The following LRRC51 variants were observed in gnomAD, a reference collection of about 807,000 sequenced individuals.
The protein encoded by LRRC51 is leucine rich repeat containing 51.
A neutral mutation model predicts 17.8 loss-of-function variants in LRRC51; 8 were observed. That is an observed-to-expected ratio of 0.45 (90% CI 0.26 to 0.81). The LOEUF (loss-of-function observed/expected upper bound fraction) is 0.81, where lower values mean the gene tolerates loss of function less well. Ranked by LOEUF, LRRC51 falls within the 30% of genes least tolerant of loss-of-function variation. The probability of loss-of-function intolerance (pLI) is 0.17; values close to 1 mark genes in which losing one functional copy is unlikely to be tolerated. For synonymous variants in LRRC51, 92 were observed against 96.0 expected (o/e 0.96, Z 0.24); for missense variants, 233 against 239.3 (o/e 0.97, Z 0.17).
At chr11:72,092,454 A>T (rs1282929223) in intron 3 of LRRC51, among the ~76,000 whole-genome samples, 5 of 152,230 alleles carry the variant, frequency 3.3e-5, no homozygotes, top group Admixed American at 6.5e-5. Context: ...TGACTCAAAC[A>T]GCCAAATTGG....
chr11:72,088,729 C>T (rs1944683474), intron 2 of LRRC51: 1 of 513,368 alleles, frequency 1.9e-6, no homozygotes, highest in Non-Finnish European at 3.5e-6. Flanking sequence ...AACTGACTCA[C>T]TGGCTTAACT....
At chr11:72,090,140 G>A (rs570102612) in intron 3 of LRRC51, among the ~76,000 whole-genome samples, 5 of 152,326 alleles carry the variant, frequency 3.3e-5, no homozygotes, top group Admixed American at 2.6e-4. Context: ...GGTAACTCAC[G>A]TTTGTTCTCT....
chr11:72,091,358 G>A (rs187190370), intron 3 of LRRC51, among the ~76,000 whole-genome samples: 58 of 152,236 alleles, frequency 3.8e-4, no homozygotes, highest in Non-Finnish European at 6.0e-4. Flanking sequence ...GGGGTACGCC[G>A]TTCCAGTACC....
At chr11:72,094,141 C>A (rs1945023114) in intron 4 of LRRC51, among the ~76,000 whole-genome samples, 1 of 152,066 alleles carries the variant, frequency 6.6e-6, no homozygotes, top group Non-Finnish European at 1.5e-5. Flanking sequence ...AAAAAATTAG[C>A]TGGGCGTGGT....
chr11:72,089,124 C>A lies in LRRC51; in HGVS notation c.41C>A (p.Pro14His). Residue 14 changes from proline (P) to histidine (H), a missense_variant, in exon 3 of 6, where the codon CCC (proline) becomes CAC (histidine). Pro to His is a moderately conservative substitution (Grantham distance 77). Coordinates refer to ENST00000289488, the MANE Select transcript of LRRC51 (RefSeq NM_145309.6). ...TATATGAACACTTCGGTACAGGAGC[C>A]CCCTCTTGACTACTCCTTCAGAAGC... is the stretch of plus-strand genomic sequence containing the variant. Reference protein sequence around the residue: ...RDYMNTSVQEPPLDYSFRSIH... With the variant: ...RDYMNTSVQEHPLDYSFRSIH... 1 of 1,614,100 alleles carries A rather than the reference C, an allele frequency of 6.2e-7. No homozygotes were observed. The highest frequency in any genetic ancestry group is 8.5e-7 in the Non-Finnish European group (1 of 1,180,008).
chr11:72,089,089 C>A lies in LRRC51; in HGVS notation c.6C>A (p.Asn2Lys). 6.2e-7 allele frequency: 1 copy of A among 1,613,988 alleles called. No individual in the cohort carries two copies. Among genetic ancestry groups the A allele is most frequent in the Non-Finnish European group, 8.5e-7 (1 of 1,179,994 alleles). The part of the protein sequence containing the change: M[N>K]KRDYMNTSVQ... The stretch of plus-strand genomic sequence containing the variant: ...TTTGAATGATGGCCTGAACTATGAA[C>A]AAACGGGACTATATGAACACTTCGG... Residue 2 changes from asparagine (N) to lysine (K), a missense_variant, in exon 3 of 6, where the codon AAC (asparagine) becomes AAA (lysine). Asn to Lys is a moderately conservative substitution (Grantham distance 94, BLOSUM62 0). Coordinates refer to ENST00000289488, the MANE Select transcript of LRRC51 (RefSeq NM_145309.6).
chr11:72,093,714 C>G lies in LRRC51; in HGVS notation c.288+13C>G. On this transcript the variant is annotated intron_variant, in intron 4 of 5. Coordinates refer to ENST00000289488, the MANE Select transcript of LRRC51 (RefSeq NM_145309.6). Reference sequence around the variant, plus strand: ...TTCCATTGACCCTGTGAGTTCCTAACAGTAGGAATCCAGTCAGGGGAGCCT... The same window carrying G: ...TTCCATTGACCCTGTGAGTTCCTAAGAGTAGGAATCCAGTCAGGGGAGCCT... The G allele has an allele frequency of 6.2e-7, 1 of 1,613,682 alleles. No individual in the cohort carries two copies. The highest frequency in any genetic ancestry group is 8.5e-7 in the Non-Finnish European group (1 of 1,179,578).
chr11:72,093,200 T>C (rs1018933768), intron 3 of LRRC51, among the ~76,000 whole-genome samples: 56 of 152,352 alleles, frequency 3.7e-4, no homozygotes, highest in African/African-American at 1.3e-3. Context: ...GGTTCTTAGT[T>C]TTCCTCAACC....
At position 72,095,214 on chromosome 11, in the gene LRRC51, C is replaced by T. The variant is rs1051418803; in HGVS notation, c.437+118C>T. On this transcript the variant is annotated intron_variant, in intron 5 of 5. Transcript: ENST00000289488. ...ATGCTTGGACCTGGGAAGGGAGTAA[C>T]AGACCTCTAAGCATTCCTTGCTCTC... is the stretch of plus-strand genomic sequence containing the variant. 10 of 1,559,644 alleles carry T rather than the reference C, an allele frequency of 6.4e-6. No individual in the cohort carries two copies. The African/African-American group carries it at 1.1e-4, about 17-fold the overall frequency.
At chr11:72,084,233 G>C (rs186471427) in intron 1 of LRRC51, among the ~76,000 whole-genome samples, 2 of 151,954 alleles carry the variant, frequency 1.3e-5, no homozygotes, top group Non-Finnish European at 2.9e-5. Flanking sequence ...AGAAACTCTC[G>C]GGCCAGGCTG....
At chr11:72,085,617 T>A (rs1944486463) in intron 1 of LRRC51, 1 of 152,214 alleles carries the variant, frequency 6.6e-6, no homozygotes, top group Admixed American at 6.5e-5. Flanking sequence ...CAAGCTGTAA[T>A]AAAATTTTGT....
chr11:72,094,044 G>A (rs774163823), intron 4 of LRRC51, among the ~76,000 whole-genome samples: 2 of 152,164 alleles, frequency 1.3e-5, no homozygotes, highest in Non-Finnish European at 2.9e-5. Flanking sequence ...CAGCACTTTG[G>A]GAGGCCGAGG....
chr11:72,095,245 G>T (rs1945117480), intron 5 of LRRC51, 134 bp from the exon 6 acceptor site: 1 of 1,576,988 alleles, frequency 6.3e-7, no homozygotes, highest in African/African-American at 1.4e-5. Flanking sequence ...CTCTCAGTCA[G>T]GATAAACCTA....
intron 1 of LRRC51, among the ~76,000 whole-genome samples, chr11:72,084,392 C>A (rs919923628): frequency 1.3e-5 from 2 of 152,078 alleles, no homozygotes; most frequent in African/African-American, 4.8e-5. Context: ...AGTTTTCTGT[C>A]AACTTGGGAT....
chr11:72,084,836 CAAAAAAAAAA>C (rs386374128), intron 1 of LRRC51, among the ~76,000 whole-genome samples: 2 of 101,716 alleles, frequency 2.0e-5, no homozygotes, highest in African/African-American at 8.3e-5. Context: ...GACCTTGTCT[CAAAAAAAAAA>C]AAAAAAAAGA....
At chr11:72,094,732 C>G (rs760971510) in intron 4 of LRRC51, 1 of 930,208 alleles carries the variant, frequency 1.1e-6, no homozygotes, top group Non-Finnish European at 1.7e-6. Flanking sequence ...GCCCACACTC[C>G]TGACCCTCAG....
In LRRC51 at chr11:72,094,989, C is replaced by A; in HGVS notation, c.330C>A (p.His110Gln). 1 of 1,614,050 alleles carries A rather than the reference C, an allele frequency of 6.2e-7. No individual in the cohort carries two copies. Among genetic ancestry groups the A allele is most frequent in the Non-Finnish European group, 8.5e-7 (1 of 1,180,014 alleles). Residue 110 changes from histidine (H) to glutamine (Q), a missense_variant, in exon 5 of 6, where the codon CAC (histidine) becomes CAA (glutamine). Transcript: ENST00000289488. ...TFFNLSVLYLHGNSIQRLGEV... is the reference protein window; with the variant it reads ...TFFNLSVLYLQGNSIQRLGEV... ...TCAACCTGAGTGTCCTCTATCTTCA[C>A]GGCAACAGCATCCAGCGCCTGGGGG...
At position 72,088,311 on chromosome 11, in the gene LRRC51, T is replaced by G; in HGVS notation, c.-125T>G. 1 of 701,586 alleles carries G rather than the reference T, an allele frequency of 1.4e-6. No individual in the cohort carries two copies. Among genetic ancestry groups the G allele is most frequent in the Non-Finnish European group, 2.6e-6 (1 of 384,406 alleles). 43.5% of individuals were successfully genotyped at this position (701,586 alleles called of 1,614,324 possible). ...ATCCCTGTCAGGGAGTATTTCCATTTTAACCGGAAACAATCCCTGAACCCA... is the reference window on the plus strand; with the variant it reads ...ATCCCTGTCAGGGAGTATTTCCATTGTAACCGGAAACAATCCCTGAACCCA... On this transcript the variant is annotated 5_prime_UTR_variant, in exon 2 of 6. Transcript: ENST00000289488.
intron 3 of LRRC51, 103 bp from the exon 4 acceptor site, chr11:72,093,393 T>C: frequency 1.7e-6 from 2 of 1,150,406 alleles, no homozygotes; most frequent in South Asian, 2.7e-5. Context: ...TTCCAGACCC[T>C]CCAGCTACAG....
Sources: allele counts gnomAD v4.1 joint callset (sites outside exome capture counted in the v4.1 genomes callset), GRCh38; gene constraint gnomAD v4.1.1; transcripts MANE v1.5; gene names NCBI Gene and HGNC (gene_info 2026-07-23, HGNC 2026-07-21).